The following CHD6 variants were observed in gnomAD, a reference collection of about 807,000 sequenced individuals.
The protein encoded by CHD6 is ATP-dependent chromatin remodeler CHD6.
Under a neutral mutation model 276.9 loss-of-function variants are expected in CHD6, and 50 were observed. The observed-to-expected ratio is 0.18, with a 90% CI of 0.14 to 0.23. CHD6 has a LOEUF of 0.23. CHD6 is among the 10% of genes least tolerant of loss of function. The pLI, the probability that CHD6 is intolerant of heterozygous loss-of-function variation, is 1.00. For synonymous variants in CHD6, 1,173 were observed against 1,229.3 expected (o/e 0.95, Z 0.96); for missense variants, 2,564 against 3,365.8 (o/e 0.76, Z 5.89).
intron 5 of CHD6, among the ~76,000 whole-genome samples, chr20:41,506,321 G>C (rs1028344882): frequency 6.6e-6 from 1 of 152,082 alleles, no homozygotes; most frequent in South Asian, 2.1e-4. Context: ...AAATCCTACA[G>C]GGTTCCTGCC....
At chr20:41,565,486 G>C (rs1315663957) in intron 1 of CHD6, among the ~76,000 whole-genome samples, 1 of 152,158 alleles carries the variant, frequency 6.6e-6, no homozygotes, top group East Asian at 1.9e-4. Context: ...GAGAGTAGAT[G>C]GATAAGTTCT....
chr20:41,605,426 A>G (rs1385232507), intron 1 of CHD6, among the ~76,000 whole-genome samples: 2 of 151,810 alleles, frequency 1.3e-5, no homozygotes, highest in African/African-American at 2.4e-5. Flanking sequence ...AAATAAAGGA[A>G]TTTATTTGCC....
intron 36 of CHD6, among the ~76,000 whole-genome samples, chr20:41,409,217 G>A (rs2046771201): frequency 6.6e-6 from 1 of 152,206 alleles, no homozygotes; most frequent in Non-Finnish European, 1.5e-5. Context: ...CCAGCCACCA[G>A]CTGCTGCCCA....
chr20:41,596,549 T>G (rs1168398324), intron 1 of CHD6, among the ~76,000 whole-genome samples: 1 of 151,394 alleles, frequency 6.6e-6, no homozygotes, highest in Non-Finnish European at 1.5e-5. Flanking sequence ...GAACAAAAAT[T>G]TCTGGCCCAA....
chr20:41,411,399 G>C (rs1210961158), intron 36 of CHD6, among the ~76,000 whole-genome samples: 3 of 151,728 alleles, frequency 2.0e-5, no homozygotes, highest in Admixed American at 2.0e-4. Flanking sequence ...AGGCATTCAG[G>C]AAAGCTTGAG....
chr20:41,528,326 A>G (rs1482992498), intron 3 of CHD6, among the ~76,000 whole-genome samples: 1 of 152,162 alleles, frequency 6.6e-6, no homozygotes, highest in Admixed American at 6.5e-5. Flanking sequence ...ACAGCTATGT[A>G]TGCATAGGTA....
chr20:41,456,396 T>C (rs2048378596), intron 18 of CHD6, among the ~76,000 whole-genome samples: 1 of 151,972 alleles, frequency 6.6e-6, no homozygotes, highest in South Asian at 2.1e-4. Flanking sequence ...AATATGTATA[T>C]TAGTATTGTA....
chr20:41,517,382 A>T (rs1349276759), intron 3 of CHD6, among the ~76,000 whole-genome samples: 1 of 152,180 alleles, frequency 6.6e-6, no homozygotes, highest in Non-Finnish European at 1.5e-5. Flanking sequence ...CCACCATGAC[A>T]TAAGTTTACT....
chr20:41,555,879 A>C (rs1232881948), intron 1 of CHD6, among the ~76,000 whole-genome samples: 1 of 150,638 alleles, frequency 6.6e-6, no homozygotes, highest in African/African-American at 2.4e-5. Flanking sequence ...CAATCTCGGT[A>C]CTTTGGGAGG....
At chr20:41,427,277 C>T (rs1230210441) in intron 27 of CHD6, among the ~76,000 whole-genome samples, 1 of 151,626 alleles carries the variant, frequency 6.6e-6, no homozygotes, top group East Asian at 1.9e-4. Context: ...CTCTTTTGGG[C>T]CCCTGATACG....
At chr20:41,593,202 A>AGGGGG (rs5841412) in intron 1 of CHD6, among the ~76,000 whole-genome samples, 32 of 117,634 alleles carry the variant, frequency 2.7e-4, no homozygotes, top group Non-Finnish European at 5.2e-4. Context: ...CCAATCAAAA[A>AGGGGG]GGGGGGGGGG....
At chr20:41,414,100 A>C (rs907626311) in intron 34 of CHD6, 1 of 152,240 alleles carries the variant, frequency 6.6e-6, no homozygotes, top group Non-Finnish European at 1.5e-5. Flanking sequence ...ATGGTGTTGC[A>C]CATCTAAAAA....
intron 11 of CHD6, among the ~76,000 whole-genome samples, chr20:41,491,205 C>T (rs1427713365): frequency 6.6e-6 from 1 of 151,516 alleles, no homozygotes; most frequent in Non-Finnish European, 1.5e-5. Context: ...GATGAACTTC[C>T]AATTTTTTAA....
In CHD6 at chr20:41,504,077, C is replaced by CAAAAAAAAAAAAAAAAAA. The variant is rs1189323419; in HGVS notation, c.853-4738_853-4721dup. Among the ~76,000 whole-genome samples, 42 of 27,092 alleles carry CAAAAAAAAAAAAAAAAAA rather than the reference C, an allele frequency of 1.6e-3. 1 individual carries two copies. The highest frequency in any genetic ancestry group is 4.0e-3 in the South Asian group (2 of 500). 17.8% of individuals were successfully genotyped at this position (27,092 alleles called of 152,430 possible). On this transcript the variant is annotated intron_variant, in intron 5 of 36. Coordinates refer to ENST00000373233, the MANE Select transcript of CHD6 (RefSeq NM_032221.5). ...TGGGTGATAGAGTGAGACTCTGTCTCAAAAAAAAAAAAAAAAAAAAAAAAA... is the reference window on the plus strand; with the variant it reads ...TGGGTGATAGAGTGAGACTCTGTCTCAAAAAAAAAAAAAAAAAAAAAAAAAAAAAAAAAAAAAAAAAAA...
chr20:41,564,638 A>G (rs1345700384), intron 1 of CHD6, among the ~76,000 whole-genome samples: 1 of 152,214 alleles, frequency 6.6e-6, no homozygotes, highest in Non-Finnish European at 1.5e-5. Context: ...CCTCACCAGA[A>G]AGCGGACATT....
At chr20:41,555,014 C>G (rs1320696706) in intron 1 of CHD6, among the ~76,000 whole-genome samples, 3 of 147,154 alleles carry the variant, frequency 2.0e-5, no homozygotes, top group Non-Finnish European at 4.5e-5. Flanking sequence ...GGGGGGCTGA[C>G]CCCCCCACCT....
chr20:41,456,030 A>G, intron 18 of CHD6, 51 bp from the exon 19 acceptor site: 2 of 1,452,582 alleles, frequency 1.4e-6, no homozygotes, highest in African/African-American at 1.4e-5. Flanking sequence ...TATAGGAGAA[A>G]AACAGCCTCA....
Position 41,455,820 on chromosome 20 carries a change from T to TC in CHD6, c.2988dup (p.Lys997GlufsTer9). ...TGTACCTTGGCAAAAGTGGACCCTT[T>TC]CCCCTCAGACTGGATGGTGATGGTG... On this transcript the variant is annotated frameshift_variant, in exon 19 of 37. Transcript: ENST00000373233. LOFTEE classifies it high-confidence loss of function. 1 of 1,594,614 alleles carries TC rather than the reference T, an allele frequency of 6.3e-7. No homozygotes were observed. The highest frequency in any genetic ancestry group is 1.1e-5 in the South Asian group (1 of 87,482).
At chr20:41,513,065 C>A in intron 4 of CHD6, 70 bp from the exon 5 acceptor site, 1 of 1,531,254 alleles carries the variant, frequency 6.5e-7, no homozygotes, top group South Asian at 1.1e-5. Context: ...AGAATACCCT[C>A]ATCTACATTT....
Sources: allele counts gnomAD v4.1 joint callset (sites outside exome capture counted in the v4.1 genomes callset), GRCh38; gene constraint gnomAD v4.1.1; transcripts MANE v1.5; gene names NCBI Gene and HGNC (gene_info 2026-07-23, HGNC 2026-07-21).